The following RIC1 variants were observed in gnomAD, a reference collection of about 807,000 sequenced individuals.
RIC1 encodes guanine nucleotide exchange factor subunit RIC1.
A neutral mutation model predicts 169.0 loss-of-function variants in RIC1; 88 were observed. The observed-to-expected ratio is 0.52, with a 90% CI of 0.44 to 0.62. The LOEUF is 0.62. Ranked by LOEUF, RIC1 falls within the 20% of genes least tolerant of loss-of-function variation. The pLI, the probability that RIC1 is intolerant of heterozygous loss-of-function variation, is 0.00. For synonymous variants in RIC1, 790 were observed against 601.5 expected, an observed-to-expected ratio of 1.31 and a Z score of -4.59; for missense variants, 1,877 against 1,725.5, an observed-to-expected ratio of 1.09 and a Z score of -1.56.
intron 7 of RIC1, among the ~76,000 whole-genome samples, chr9:5,737,829 G>A (rs1309113424): frequency 6.6e-6 from 1 of 151,124 alleles, no homozygotes; most frequent in Non-Finnish European, 1.5e-5. Context: ...TTACAATAAA[G>A]TAAGAGAAAA....
intron 3 of RIC1, 84 bp downstream of exon 3, chr9:5,690,122 A>G: frequency 1.1e-6 from 1 of 884,738 alleles, no homozygotes; most frequent in Non-Finnish European, 1.7e-6. Context: ...AGTTGTCTGT[A>G]GTGATTAGAA....
At chr9:5,729,076 C>G (rs1356345836) in intron 6 of RIC1, among the ~76,000 whole-genome samples, 1 of 152,102 alleles carries the variant, frequency 6.6e-6, no homozygotes. Flanking sequence ...GTCCTGCAGT[C>G]CTTTCTAGAG....
At chr9:5,665,695 C>A (rs1012431350) in intron 2 of RIC1, among the ~76,000 whole-genome samples, 1 of 152,174 alleles carries the variant, frequency 6.6e-6, no homozygotes, top group African/African-American at 2.4e-5. Context: ...TTCCATAGAA[C>A]TGCTGCCATT....
intron 1 of RIC1, among the ~76,000 whole-genome samples, chr9:5,641,058 C>G (rs1042188577): frequency 1.4e-5 from 2 of 147,884 alleles, no homozygotes; most frequent in African/African-American, 5.0e-5. Flanking sequence ...AGAAACTATC[C>G]TTTGAGAGTT....
chr9:5,772,750 CT>C lies in RIC1; in HGVS notation c.3794+11del, dbSNP rs748303055. 36 of 1,599,902 alleles carry C rather than the reference CT, an allele frequency of 2.3e-5. No homozygotes were observed. The highest frequency in any genetic ancestry group is 2.6e-5 in the Non-Finnish European group (31 of 1,173,724). On this transcript the variant is annotated intron_variant, in intron 24 of 25. Transcript: ENST00000414202. ...TCCCAGGTCCAGCTTCGGTGAGTTT[CT>C]TGGCTATTTGAAATCACAGAATGCC...
chr9:5,675,091 G>A (rs1563888711), intron 2 of RIC1, among the ~76,000 whole-genome samples: 1 of 152,214 alleles, frequency 6.6e-6, no homozygotes, highest in Non-Finnish European at 1.5e-5. Context: ...GGGAGGGGAA[G>A]GGGTTCTTAT....
chr9:5,680,840 T>TTTTC (rs1820781021), intron 2 of RIC1, among the ~76,000 whole-genome samples: 2 of 132,864 alleles, frequency 1.5e-5, no homozygotes, highest in African/African-American at 6.2e-5. Flanking sequence ...TTTTTTTTTT[T>TTTTC]TTTTGAGACG....
intron 7 of RIC1, among the ~76,000 whole-genome samples, chr9:5,737,521 A>G (rs1402186132): frequency 5.3e-5 from 8 of 151,724 alleles, no homozygotes; most frequent in Non-Finnish European, 1.0e-4. Context: ...CCACAAATAT[A>G]TTTACTATTA....
Position 5,754,948 on chromosome 9 carries a change from G to A in RIC1, c.1692+18G>A. The A allele has an allele frequency of 7.0e-7, 1 of 1,425,794 alleles. No homozygotes were observed. The highest frequency in any genetic ancestry group is 1.5e-5 in the South Asian group (1 of 67,138). 88.3% of individuals were successfully genotyped at this position (1,425,794 alleles called of 1,614,324 possible). A position where few individuals can be genotyped will look rare whatever the true frequency, so the allele number is the denominator to read the frequency against. On this transcript the variant is annotated intron_variant, in intron 15 of 25. Transcript: ENST00000414202. ...AAGAAGAGGTAAGTTTTTTCTCTCA[G>A]AAATAACAGATTTTTATATTTTAAA...
chr9:5,735,952 TAGTA>T (rs1300811388), intron 7 of RIC1, among the ~76,000 whole-genome samples: 1 of 152,224 alleles, frequency 6.6e-6, no homozygotes, highest in Non-Finnish European at 1.5e-5. Context: ...GCTTTGGAGT[TAGTA>T]AGTCCTGTCT....
At chr9:5,690,500 T>C (rs901440999) in intron 3 of RIC1, among the ~76,000 whole-genome samples, 4 of 152,022 alleles carry the variant, frequency 2.6e-5, no homozygotes, top group Non-Finnish European at 5.9e-5. Context: ...ATATTTTGCA[T>C]TCTTTTCCTT....
chr9:5,743,813 AT>A (rs1329311199), intron 10 of RIC1, 76 bp downstream of exon 10: 2 of 1,132,726 alleles, frequency 1.8e-6, no homozygotes, highest in Non-Finnish European at 1.3e-6. Flanking sequence ...ACTCATTTTT[AT>A]TTATTTAATT....
intron 2 of RIC1, among the ~76,000 whole-genome samples, chr9:5,664,243 C>G (rs960581192): frequency 2.0e-5 from 3 of 152,052 alleles, no homozygotes; most frequent in African/African-American, 7.2e-5. Context: ...AACCCCATCT[C>G]TACTAAAAAT....
intron 6 of RIC1, among the ~76,000 whole-genome samples, chr9:5,726,900 G>A (rs1824029424): frequency 1.3e-5 from 2 of 152,342 alleles, no homozygotes. Flanking sequence ...CTTCTGGCTT[G>A]TAGAGTTTCT....
At chr9:5,659,831 A>G (rs564984423) in intron 2 of RIC1, among the ~76,000 whole-genome samples, 3 of 152,160 alleles carry the variant, frequency 2.0e-5, no homozygotes, top group East Asian at 3.9e-4. Context: ...GTGTGTAGAC[A>G]TATATCTGAT....
chr9:5,763,194 A>G lies in RIC1; in HGVS notation c.2167A>G (p.Thr723Ala). 1 of 1,614,088 alleles carries G rather than the reference A, an allele frequency of 6.2e-7. No homozygotes were observed. The highest frequency in any genetic ancestry group is 8.5e-7 in the Non-Finnish European group (1 of 1,179,982). ...CCAGTCTGTTGAAAATGTCTGGACA[A>G]CGTGTCGAGCAAATAAACAGAAACG... is the stretch of plus-strand genomic sequence containing the variant. The part of the protein sequence containing the change: ...LAQSVENVWT[T>A]CRANKQKRHL... Residue 723 changes from threonine (T) to alanine (A), a missense_variant, in exon 19 of 26, where the codon ACG (threonine) becomes GCG (alanine). Physicochemically the swap from Thr to Ala is moderately conservative, Grantham distance 58 (BLOSUM62 0). Transcript: ENST00000414202. This position sits in a 1 kb window ranked among gnomAD's most constrained non-coding sequence, Gnocchi z 5.2.
intron 6 of RIC1, among the ~76,000 whole-genome samples, chr9:5,721,884 T>C (rs1823611032): frequency 6.6e-6 from 1 of 152,082 alleles, no homozygotes; most frequent in Admixed American, 6.5e-5. Flanking sequence ...TTCATCTTTT[T>C]TGTTTTCTTT....
intron 1 of RIC1, among the ~76,000 whole-genome samples, chr9:5,637,055 T>G (rs190861616): frequency 1.3e-3 from 200 of 152,162 alleles, no homozygotes; most frequent in African/African-American, 4.5e-3. Context: ...TTTATGATTT[T>G]TTTGTTTGTT....
In RIC1 at chr9:5,752,948, A is replaced by C. The variant is rs78473095; in HGVS notation, c.1453-252A>C. Among the ~76,000 whole-genome samples, 1,083 of 152,270 alleles carry C rather than the reference A, an allele frequency of 7.1e-3. 19 individuals are homozygous for C. The highest frequency in any genetic ancestry group is 0.025 in the African/African-American group (1,044 of 41,532). ...TTGTCAGTCTGTATTTATTGAATTC[A>C]ATATTTAAAACAAACAGAAACATAA... On this transcript the variant is annotated intron_variant, in intron 12 of 25. Coordinates refer to ENST00000414202, the MANE Select transcript of RIC1 (RefSeq NM_020829.4).
Sources: gnomAD v4.1 joint callset for allele counts (sites outside exome capture counted in the v4.1 genomes callset) on GRCh38, gnomAD v4.1.1 for gene constraint, Gnocchi (gnomAD v3.1) non-coding constraint, MANE v1.5 for transcripts, NCBI Gene and HGNC (gene_info 2026-07-23, HGNC 2026-07-21) for gene names.